The following MAD1L1 variants were observed in gnomAD, a reference collection of about 807,000 sequenced individuals.
The protein encoded by MAD1L1 is mitotic spindle assembly checkpoint protein MAD1.
Under a neutral mutation model 96.9 loss-of-function variants are expected in MAD1L1, and 95 were observed. The observed-to-expected ratio is 0.98, with a 90% confidence interval of 0.83 to 1.16. The LOEUF (loss-of-function observed/expected upper bound fraction) is 1.16. Among genes scored for constraint, MAD1L1 ranks in the 50% most tolerant of loss-of-function variants. The pLI is 0.00. For synonymous variants in MAD1L1, 473 were observed against 396.6 expected (o/e 1.19, Z -2.29); for missense variants, 1,007 against 954.4 (o/e 1.06, Z -0.73).
At chr7:2,191,987 C>T (rs888810351) in intron 10 of MAD1L1, among the ~76,000 whole-genome samples, 1 of 149,176 alleles carries the variant, frequency 6.7e-6, no homozygotes, top group Non-Finnish European at 1.5e-5. Flanking sequence ...GCTGAGATCG[C>T]GTCACTGCAC....
intron 18 of MAD1L1, among the ~76,000 whole-genome samples, chr7:1,864,060 T>G (rs1784657732): frequency 6.6e-6 from 1 of 152,064 alleles, no homozygotes; most frequent in Non-Finnish European, 1.5e-5. Context: ...GCCACTGCAC[T>G]CCAGCCTGGG....
intron 16 of MAD1L1, among the ~76,000 whole-genome samples, chr7:1,953,129 AGGTGACGGGCCCGCCCCACCCT>A (rs1407672973): frequency 6.6e-6 from 1 of 152,008 alleles, no homozygotes; most frequent in Non-Finnish European, 1.5e-5. Flanking sequence ...GTCTGAGGAG[AGGTGACGGGCCCGCCCCACCCT>A]GGTCCCAGGG....
chr7:1,941,549 G>A (rs1235848996), intron 16 of MAD1L1, among the ~76,000 whole-genome samples: 2 of 152,224 alleles, frequency 1.3e-5, no homozygotes, highest in Non-Finnish European at 2.9e-5. Context: ...CCCGCTGGGG[G>A]CGAAGGCTTG....
In MAD1L1 at chr7:2,119,316, C is replaced by A. The variant is rs547665273; in HGVS notation, c.1073+29836G>T. Reference sequence around the variant, plus strand: ...GAAGCTCCCAGGCCATGGCTCTCCGCAGCGCCTTCCCTATCGCATCTCCAT... The same window carrying A: ...GAAGCTCCCAGGCCATGGCTCTCCGAAGCGCCTTCCCTATCGCATCTCCAT... On this transcript the variant is annotated intron_variant, in intron 11 of 18. Coordinates refer to ENST00000265854, the MANE Select transcript of MAD1L1 (RefSeq NM_001013836.2). The surrounding 1 kb of genome is among the most constrained non-coding windows in gnomAD (Gnocchi z 4.6). Among the ~76,000 whole-genome samples, 109 of 152,344 alleles carry A rather than the reference C, an allele frequency of 7.2e-4. No homozygotes were observed. Among genetic ancestry groups the A allele is most frequent in the African/African-American group, 2.4e-3 (101 of 41,576 alleles).
At chr7:2,180,079 A>G (rs1791128841) in intron 10 of MAD1L1, among the ~76,000 whole-genome samples, 1 of 152,228 alleles carries the variant, frequency 6.6e-6, no homozygotes, top group Admixed American at 6.5e-5. Context: ...AACCACTTCA[A>G]CATCACAAAT....
At chr7:1,821,324 C>T (rs1293052533) in intron 18 of MAD1L1, among the ~76,000 whole-genome samples, 7 of 152,146 alleles carry the variant, frequency 4.6e-5, no homozygotes, top group Admixed American at 6.5e-5. Flanking sequence ...AAATGCTACT[C>T]AAAATCTCCA....
At chr7:1,895,250 G>C (rs1410406799) in intron 18 of MAD1L1, among the ~76,000 whole-genome samples, 2 of 152,208 alleles carry the variant, frequency 1.3e-5, no homozygotes, top group South Asian at 4.1e-4. Flanking sequence ...GACCAAGGTG[G>C]GGTCTTGGCA....
intron 12 of MAD1L1, among the ~76,000 whole-genome samples, chr7:2,055,588 G>A (rs905343861): frequency 4.9e-5 from 7 of 143,738 alleles, no homozygotes; most frequent in Admixed American, 1.4e-4. Context: ...GAGAATCACC[G>A]GAGCCTGCGA....
At chr7:1,931,820 G>A (rs1789496762) in intron 17 of MAD1L1, among the ~76,000 whole-genome samples, 1 of 152,218 alleles carries the variant, frequency 6.6e-6, no homozygotes, top group Admixed American at 6.5e-5. Flanking sequence ...GCTGTCCCCA[G>A]AGCCAATGGT....
At chr7:2,003,937 G>T (rs1781915600) in intron 13 of MAD1L1, among the ~76,000 whole-genome samples, 1 of 152,206 alleles carries the variant, frequency 6.6e-6, no homozygotes, top group South Asian at 2.1e-4. Context: ...CTGGGACTGG[G>T]AACGGCAGAT....
chr7:2,008,499 G>A (rs1476764089), intron 13 of MAD1L1, among the ~76,000 whole-genome samples: 1 of 152,266 alleles, frequency 6.6e-6, no homozygotes, highest in Non-Finnish European at 1.5e-5. Context: ...CCCAAGCTCA[G>A]GTTGGCTCCG....
At chr7:2,218,929 A>C (rs1793437763) in intron 6 of MAD1L1, among the ~76,000 whole-genome samples, 1 of 151,692 alleles carries the variant, frequency 6.6e-6, no homozygotes, top group Non-Finnish European at 1.5e-5. Context: ...GGTGTACTGC[A>C]CATGCTTGCA....
chr7:1,822,445 T>A (rs58242668), intron 18 of MAD1L1, among the ~76,000 whole-genome samples: 24,436 of 144,282 alleles, frequency 0.17, 2,435 homozygotes, highest in South Asian at 0.29. Context: ...TATATATATT[T>A]TTTTTTTTTT....
intron 11 of MAD1L1, among the ~76,000 whole-genome samples, chr7:2,138,509 C>T (rs569657939): frequency 1.5e-4 from 23 of 152,336 alleles, no homozygotes; most frequent in African/African-American, 5.5e-4. Flanking sequence ...GAAGGAACCA[C>T]ATCAAGAGGT....
intron 17 of MAD1L1, among the ~76,000 whole-genome samples, chr7:1,909,346 C>G (rs1787869543): frequency 6.6e-6 from 1 of 152,180 alleles, no homozygotes; most frequent in Non-Finnish European, 1.5e-5. Flanking sequence ...GCCAGGCTTC[C>G]CGGGACTGAA....
intron 17 of MAD1L1, among the ~76,000 whole-genome samples, chr7:1,913,277 G>A (rs1393405912): frequency 6.6e-6 from 1 of 151,790 alleles, no homozygotes; most frequent in Admixed American, 6.6e-5. Flanking sequence ...GAAGGAGAGG[G>A]GCAAGGAGCA....
At chr7:1,856,645 G>T (rs942134100) in intron 18 of MAD1L1, among the ~76,000 whole-genome samples, 38 of 152,092 alleles carry the variant, frequency 2.5e-4, no homozygotes, top group African/African-American at 9.2e-4. Flanking sequence ...AGCTGCTCGC[G>T]GCTCCTCCAC....
intron 13 of MAD1L1, among the ~76,000 whole-genome samples, chr7:2,006,063 G>C (rs200546747): frequency 1.3e-5 from 2 of 152,040 alleles, no homozygotes; most frequent in East Asian, 3.9e-4. Context: ...GCTCAGGTCT[G>C]GCTTATAGAC....
chr7:1,906,049 CAAAAAAAAAAAA>C (rs10570929), intron 17 of MAD1L1, among the ~76,000 whole-genome samples: 1 of 91,976 alleles, frequency 1.1e-5, no homozygotes, highest in African/African-American at 4.4e-5. Flanking sequence ...GACTCCATCT[CAAAAAAAAAAAA>C]AAAAAAAAAA....
Sources: gnomAD v4.1 joint callset for allele counts (sites outside exome capture counted in the v4.1 genomes callset) on GRCh38, gnomAD v4.1.1 for gene constraint, Gnocchi (gnomAD v3.1) non-coding constraint, MANE v1.5 for transcripts, NCBI Gene and HGNC (gene_info 2026-07-23, HGNC 2026-07-21) for gene names.